CTNNA3: variants seen among roughly 807,000 people sequenced by gnomAD.
CTNNA3 encodes catenin alpha 3.
Under a neutral mutation model 95.7 loss-of-function variants are expected in CTNNA3, and 76 were observed. The ratio of observed to expected loss-of-function variants is 0.79; its 90% CI spans 0.66 to 0.96. The LOEUF is 0.96. Ranked by LOEUF, CTNNA3 falls within the 40% of genes least tolerant of loss-of-function variation. CTNNA3 has a pLI of 0.00. For synonymous variants in CTNNA3, 431 were observed against 374.4 expected, an observed-to-expected ratio of 1.15 and a Z score of -1.74; for missense variants, 1,191 against 1,089.8, an observed-to-expected ratio of 1.09 and a Z score of -1.31.
intron 1 of CTNNA3, among the ~76,000 whole-genome samples, chr10:67,674,127 C>G (rs1023183570): frequency 2.6e-5 from 4 of 151,884 alleles, no homozygotes; most frequent in Admixed American, 1.3e-4. Context: ...AACCCTAGTA[C>G]CTCACTCACG....
At chr10:66,273,266 T>A (rs2091321451) in intron 13 of CTNNA3, among the ~76,000 whole-genome samples, 1 of 152,084 alleles carries the variant, frequency 6.6e-6, no homozygotes, top group Non-Finnish European at 1.5e-5. Flanking sequence ...ACTATATGAC[T>A]AATGGGAGGG....
intron 7 of CTNNA3, among the ~76,000 whole-genome samples, chr10:66,962,306 C>T (rs1462755535): frequency 6.6e-6 from 1 of 152,178 alleles, no homozygotes; most frequent in African/African-American, 2.4e-5. Flanking sequence ...AAGAGAACTT[C>T]CTCATGGTCT....
intron 7 of CTNNA3, among the ~76,000 whole-genome samples, chr10:66,981,396 C>G (rs1850433772): frequency 6.6e-6 from 1 of 152,230 alleles, no homozygotes; most frequent in Non-Finnish European, 1.5e-5. Context: ...GCATTCTGCA[C>G]TCTTCTGGAT....
intron 13 of CTNNA3, among the ~76,000 whole-genome samples, chr10:66,146,857 T>A (rs1678704472): frequency 6.6e-6 from 1 of 152,184 alleles, no homozygotes; most frequent in African/African-American, 2.4e-5. Flanking sequence ...ACACCTGGTA[T>A]TTTTAACCAG....
intron 10 of CTNNA3, among the ~76,000 whole-genome samples, chr10:66,549,463 C>A (rs907729532): frequency 6.6e-6 from 1 of 151,810 alleles, no homozygotes; most frequent in Non-Finnish European, 1.5e-5. Context: ...GTGAGCTGTT[C>A]CCTTTCTCAT....
intron 7 of CTNNA3, among the ~76,000 whole-genome samples, chr10:67,146,728 C>T (rs768057043): frequency 6.6e-6 from 1 of 152,140 alleles, no homozygotes; most frequent in African/African-American, 2.4e-5. Flanking sequence ...AAAGAAAAAA[C>T]ATCCAGAAAT....
At chr10:66,331,353 T>G (rs961990584) in intron 12 of CTNNA3, among the ~76,000 whole-genome samples, 2 of 122,968 alleles carry the variant, frequency 1.6e-5, no homozygotes, top group African/African-American at 6.8e-5. Flanking sequence ...TTTTTTTTTT[T>G]TTTTTTTTTT....
intron 7 of CTNNA3, among the ~76,000 whole-genome samples, chr10:67,136,093 A>C (rs2894028): frequency 0.63 from 95,655 of 151,920 alleles, 30,883 homozygotes; most frequent in African/African-American, 0.78. Context: ...TTTAACTTTT[A>C]TGCTAAACAA....
At chr10:66,616,340 T>A (rs10509270) in intron 10 of CTNNA3, among the ~76,000 whole-genome samples, 47,537 of 151,944 alleles carry the variant, frequency 0.31, 8,162 homozygotes, top group Middle Eastern at 0.49. Context: ...TAAAAAACTC[T>A]TCTCTATATT....
At chr10:66,599,572 A>C (rs1430688107) in intron 10 of CTNNA3, among the ~76,000 whole-genome samples, 1 of 151,984 alleles carries the variant, frequency 6.6e-6, no homozygotes, top group African/African-American at 2.4e-5. Context: ...GAAAAAATAC[A>C]GTAACACCAT....
Position 66,756,798 on chromosome 10 carries a change from T to C in CTNNA3, c.1281+9466A>G, listed in dbSNP as rs1420404663. 2.0e-5 allele frequency among the ~76,000 whole-genome samples: 3 copies of C among 152,176 alleles called. No homozygotes were observed. The East Asian group carries it at 5.8e-4, about 29-fold the overall frequency. On this transcript the variant is annotated intron_variant, in intron 9 of 17. Coordinates refer to ENST00000433211, the MANE Select transcript of CTNNA3 (RefSeq NM_013266.4). Reference sequence around the variant, plus strand: ...TATTTTACTAGATAGTTGCAATACCTGATTCTCACCAAAATAACGTCCTCT... The same window carrying C: ...TATTTTACTAGATAGTTGCAATACCCGATTCTCACCAAAATAACGTCCTCT...
At chr10:67,116,026 T>A (rs1271003699) in intron 7 of CTNNA3, among the ~76,000 whole-genome samples, 1 of 152,084 alleles carries the variant, frequency 6.6e-6, no homozygotes, top group Non-Finnish European at 1.5e-5. Context: ...CTTTGTTTTT[T>A]TCTTTTTCTC....
chr10:67,162,252 T>C (rs969861499), intron 7 of CTNNA3, among the ~76,000 whole-genome samples: 1 of 152,044 alleles, frequency 6.6e-6, no homozygotes, highest in Non-Finnish European at 1.5e-5. Flanking sequence ...AAATTTGTTT[T>C]AAATTTTTCA....
Position 67,478,869 on chromosome 10 carries a change from C to T in CTNNA3, c.579+42973G>A, listed in dbSNP as rs550971250. On this transcript the variant is annotated intron_variant, in intron 5 of 17. Coordinates refer to ENST00000433211, the MANE Select transcript of CTNNA3 (RefSeq NM_013266.4). The stretch of plus-strand genomic sequence containing the variant: ...TTAAAAAAAAAAAAACAAGACCTAT[C>T]GCTCACACACACATAATGACACCCA... Among the ~76,000 whole-genome samples the T allele has an allele frequency of 8.4e-4, 127 of 151,198 alleles. 1 individual carries two copies. The highest frequency in any genetic ancestry group is 2.9e-3 in the African/African-American group (118 of 41,260).
chr10:66,706,337 G>T (rs1419703790), intron 9 of CTNNA3, among the ~76,000 whole-genome samples: 1 of 149,722 alleles, frequency 6.7e-6, no homozygotes, highest in Non-Finnish European at 1.5e-5. Flanking sequence ...TCTACTCATT[G>T]TTGTCAAAAG....
At chr10:67,466,192 C>G (rs1847587506) in intron 5 of CTNNA3, among the ~76,000 whole-genome samples, 1 of 152,040 alleles carries the variant, frequency 6.6e-6, no homozygotes, top group African/African-American at 2.4e-5. Context: ...GCTATTTTTT[C>G]TAATTATATG....
rs144868219 is a variant in CTNNA3 at position 66,927,576 on chromosome 10, C to T, written c.1048-152052G>A. 68 of 1,614,056 alleles carry T rather than the reference C, an allele frequency of 4.2e-5. No homozygotes were observed. In the African/African-American group the frequency reaches 8.7e-4, roughly 21 times the overall value. On this transcript the variant is annotated intron_variant, in intron 7 of 17. Transcript: ENST00000433211. This position sits in a 1 kb window ranked among gnomAD's most constrained non-coding sequence, Gnocchi z 4.7. ...TGGAGCACAATCAATTTTCCAAGCTCAACCTGGCCCTTTTTCCAAGGTTGG... is the reference window on the plus strand; with the variant it reads ...TGGAGCACAATCAATTTTCCAAGCTTAACCTGGCCCTTTTTCCAAGGTTGG...
chr10:66,085,450 T>A (rs572991925), intron 14 of CTNNA3, among the ~76,000 whole-genome samples: 1 of 152,144 alleles, frequency 6.6e-6, no homozygotes, highest in Non-Finnish European at 1.5e-5. Context: ...ATAGATTACA[T>A]CTTGTCTGTA....
intron 9 of CTNNA3, among the ~76,000 whole-genome samples, chr10:66,654,399 T>C (rs1268018540): frequency 6.6e-6 from 1 of 152,052 alleles, no homozygotes; most frequent in African/African-American, 2.4e-5. Flanking sequence ...AAAACTGCAA[T>C]GAGCTATATC....
Sources: allele counts gnomAD v4.1 joint callset (sites outside exome capture counted in the v4.1 genomes callset), GRCh38; gene constraint gnomAD v4.1.1; non-coding constraint Gnocchi (gnomAD v3.1); transcripts MANE v1.5; gene names NCBI Gene and HGNC (gene_info 2026-07-23, HGNC 2026-07-21).